Variants in NXPE2 observed in about 807,000 individuals in gnomAD.
The protein encoded by NXPE2 is neurexophilin and PC-esterase domain family member 2.
Under a neutral mutation model 34.4 loss-of-function variants are expected in NXPE2, and 34 were observed. That is an observed-to-expected ratio of 0.99 (90% confidence interval 0.75 to 1.31). The LOEUF (loss-of-function observed/expected upper bound fraction) is 1.31. Among genes scored for constraint, NXPE2 ranks in the 40% most tolerant of loss-of-function variants. The probability of loss-of-function intolerance (pLI) is 0.00; values close to 1 mark genes in which losing one functional copy is unlikely to be tolerated. For missense variants in NXPE2, 649 were observed against 672.5 expected (o/e 0.97, Z 0.39); for synonymous variants, 235 against 231.3 (o/e 1.02, Z -0.15).
At chr11:114,614,811 G>A in the NXPE2 span, among the ~76,000 whole-genome samples, 5 of 151,892 alleles carry the variant, frequency 3.3e-5, no homozygotes, top group Admixed American at 6.6e-5. Context: ...GTGTTGCCTC[G>A]TGGGTAACCA....
the NXPE2 span, among the ~76,000 whole-genome samples, chr11:114,552,615 A>G: frequency 6.6e-6 from 1 of 151,896 alleles, no homozygotes; most frequent in Non-Finnish European, 1.5e-5. Context: ...GGCTACTCTG[A>G]CCCCTCCTGC....
chr11:114,593,101 A>G, the NXPE2 span, among the ~76,000 whole-genome samples: 1 of 152,174 alleles, frequency 6.6e-6, no homozygotes, highest in African/African-American at 2.4e-5. Flanking sequence ...AATACTGTTC[A>G]GGACACTGAT....
At chr11:114,650,207 G>C in the NXPE2 span, among the ~76,000 whole-genome samples, 6 of 152,252 alleles carry the variant, frequency 3.9e-5, no homozygotes, top group African/African-American at 1.4e-4. Flanking sequence ...ATACACAAAC[G>C]ATTTCATCTT....
At chr11:114,732,966 A>T in the NXPE2 span, among the ~76,000 whole-genome samples, 1 of 151,864 alleles carries the variant, frequency 6.6e-6, no homozygotes, top group African/African-American at 2.4e-5. Flanking sequence ...CCATTATAAC[A>T]CTCTGAGGCT....
intron 2 of NXPE2, among the ~76,000 whole-genome samples, chr11:114,683,731 G>A (rs551506864): frequency 3.3e-5 from 5 of 152,290 alleles, no homozygotes; most frequent in East Asian, 1.9e-4. Context: ...GCCTAGAACA[G>A]TCTCTGGTAC....
chr11:114,588,185 C>T, the NXPE2 span, among the ~76,000 whole-genome samples: 265 of 152,240 alleles, frequency 1.7e-3, no homozygotes, highest in African/African-American at 6.2e-3. Context: ...TGTCCTCCCT[C>T]TCTGGGGCCC....
At chr11:114,511,353 A>G in the NXPE2 span, among the ~76,000 whole-genome samples, 2 of 152,288 alleles carry the variant, frequency 1.3e-5, no homozygotes, top group East Asian at 3.9e-4. Context: ...ACACAGTTGC[A>G]TAGCCAGAGG....
rs1419819801 is a variant in NXPE2, at chr11:114,705,945, G to C, written c.1093G>C (p.Gly365Arg). 1 of 1,536,420 alleles carries C rather than the reference G, an allele frequency of 6.5e-7. No individual in the cohort carries two copies. The highest frequency in any genetic ancestry group is 1.4e-5 in the African/African-American group (1 of 72,286). ...GGAAAGAAAACTTATTTATCTCATG[G>C]GAGATTCAACACTGCATCAGTGGAT... The part of the protein sequence containing the change: ...CLERKLIYLM[G>R]DSTLHQWIYY... Residue 365 changes from glycine to arginine, a missense_variant, in exon 5 of 6, where the codon GGA (glycine) becomes CGA (arginine). Gly to Arg is a moderately radical substitution (Grantham distance 125). Coordinates refer to ENST00000389586, the MANE Select transcript of NXPE2 (RefSeq NM_182495.6).
At chr11:114,647,163 A>G in the NXPE2 span, among the ~76,000 whole-genome samples, 4 of 152,306 alleles carry the variant, frequency 2.6e-5, no homozygotes, top group African/African-American at 9.6e-5. Flanking sequence ...AGTGATTCTC[A>G]TTACCTGAAT....
At chr11:114,670,470 G>T in the NXPE2 span, among the ~76,000 whole-genome samples, 1 of 152,070 alleles carries the variant, frequency 6.6e-6, no homozygotes, top group Admixed American at 6.6e-5. Context: ...CTTGTGGTAG[G>T]ATCCCTTGAG....
chr11:114,681,055 C>T (rs1950942064), intron 2 of NXPE2, among the ~76,000 whole-genome samples: 1 of 152,102 alleles, frequency 6.6e-6, no homozygotes, highest in African/African-American at 2.4e-5. Context: ...AGCTAAAACT[C>T]CCTCCACAAG....
At chr11:114,478,751 G>T in the NXPE2 span, among the ~76,000 whole-genome samples, 1 of 152,132 alleles carries the variant, frequency 6.6e-6, no homozygotes, top group Non-Finnish European at 1.5e-5. Flanking sequence ...GCATTTTTAG[G>T]TAAGTTTAAC....
chr11:114,811,254 T>A, the NXPE2 span, among the ~76,000 whole-genome samples: 2 of 150,822 alleles, frequency 1.3e-5, no homozygotes, highest in Non-Finnish European at 2.9e-5. Flanking sequence ...GTTAGTGGGT[T>A]CGGCACACCA....
the NXPE2 span, among the ~76,000 whole-genome samples, chr11:114,512,298 T>C: frequency 6.6e-6 from 1 of 152,178 alleles, no homozygotes; most frequent in African/African-American, 2.4e-5. Flanking sequence ...CTGGACACCT[T>C]CCTGCTTCAT....
chr11:114,783,542 C>T, the NXPE2 span, among the ~76,000 whole-genome samples: 3 of 152,294 alleles, frequency 2.0e-5, no homozygotes, highest in South Asian at 6.2e-4. Context: ...TTTTTTCCTC[C>T]TCTGGAAGTT....
rs190273494 is a variant in NXPE2 at position 114,695,942 on chromosome 11, C to T, written c.133-2103C>T. ...CTGAGGCAGGAGAATTGCTTGAACC[C>T]GGGAGGCGGAGGTTGCAGTGAGCCG... On this transcript the variant is annotated intron_variant, in intron 2 of 5. Coordinates refer to ENST00000389586, the MANE Select transcript of NXPE2 (RefSeq NM_182495.6). Among the ~76,000 whole-genome samples, 38 of 151,876 alleles carry T rather than the reference C, an allele frequency of 2.5e-4. 1 individual carries two copies. In the South Asian group the frequency reaches 5.2e-3, roughly 21 times the overall value.
chr11:114,695,219 T>A (rs1951227566), intron 2 of NXPE2, among the ~76,000 whole-genome samples: 1 of 152,138 alleles, frequency 6.6e-6, no homozygotes, highest in Admixed American at 6.5e-5. Flanking sequence ...TTAAGTAGGG[T>A]CTGAGGCTTG....
the NXPE2 span, among the ~76,000 whole-genome samples, chr11:114,493,263 C>CT: frequency 6.6e-6 from 1 of 151,908 alleles, no homozygotes; most frequent in Non-Finnish European, 1.5e-5. Flanking sequence ...TGTTTTTATC[C>CT]TTTCAGCCAC....
In NXPE2 at chr11:114,698,280, A is replaced by G; in HGVS notation, c.368A>G (p.Tyr123Cys). 6.2e-7 allele frequency: 1 copy of G among 1,613,532 alleles called. No homozygotes were observed. The highest frequency in any genetic ancestry group is 8.5e-7 in the Non-Finnish European group (1 of 1,179,674). Residue 123 changes from tyrosine to cysteine, a missense_variant, in exon 3 of 6, where the codon TAC becomes TGC. Coordinates refer to ENST00000389586, the MANE Select transcript of NXPE2 (RefSeq NM_182495.6). ...ACCATCCTCAACCCTCAAGATACGT[A>G]CTGCAGGGGGGATCAGCTGGACATC... ...TATILNPQDT[Y>C]CRGDQLDILL...
Sources: allele counts gnomAD v4.1 joint callset (sites outside exome capture counted in the v4.1 genomes callset), GRCh38; gene constraint gnomAD v4.1.1; transcripts MANE v1.5; gene names NCBI Gene and HGNC (gene_info 2026-07-23, HGNC 2026-07-21).